Variants in RGS7 observed in about 807,000 individuals in gnomAD.
RGS7 encodes the protein regulator of G protein signaling 7.
In RGS7, 27 loss-of-function variants were observed where a neutral mutation model predicts 81.1. The ratio of observed to expected loss-of-function variants is 0.33; its 90% CI spans 0.25 to 0.46. RGS7 has a LOEUF of 0.46. Among genes scored for constraint, RGS7 ranks in the 20% least tolerant of loss-of-function variants. RGS7 has a pLI of 1.00. For synonymous variants in RGS7, 208 were observed against 207.7 expected (o/e 1.00, Z -0.01); for missense variants, 396 against 607.4 (o/e 0.65, Z 3.66).
intron 6 of RGS7, among the ~76,000 whole-genome samples, chr1:240,882,163 C>T (rs1026966124): frequency 1.2e-4 from 19 of 152,158 alleles, no homozygotes; most frequent in Admixed American, 1.1e-3. Context: ...GATCCACCCG[C>T]CTTGGCCTCC....
chr1:241,242,182 A>G (rs1197122972), intron 2 of RGS7, among the ~76,000 whole-genome samples: 1 of 151,828 alleles, frequency 6.6e-6, no homozygotes, highest in East Asian at 1.9e-4. Context: ...GCTCCCACTT[A>G]TAAGTAAGAA....
chr1:241,070,404 T>C (rs148436298), intron 3 of RGS7, among the ~76,000 whole-genome samples: 38 of 152,280 alleles, frequency 2.5e-4, no homozygotes, highest in African/African-American at 9.1e-4. Context: ...CTTTTCACTT[T>C]CGTAAGGTGG....
rs1033792524 is a variant in RGS7 at position 241,020,657 on chromosome 1, A to G, written c.176-37528T>C. 2.6e-5 allele frequency among the ~76,000 whole-genome samples: 4 copies of G among 152,200 alleles called. No homozygotes were observed. In the East Asian group the frequency reaches 7.7e-4, roughly 29 times the overall value. On this transcript the variant is annotated intron_variant, in intron 3 of 18. Coordinates refer to ENST00000440928, the MANE Select transcript of RGS7 (RefSeq NM_001364886.1). ...TGAGGGAAAGACCATTCAATCTTCT[A>G]TAATGTATTAGTTAAGTCAGCTGTT...
intron 3 of RGS7, among the ~76,000 whole-genome samples, chr1:241,010,317 T>C (rs1313098048): frequency 6.6e-6 from 1 of 152,222 alleles, no homozygotes; most frequent in Non-Finnish European, 1.5e-5. Flanking sequence ...TGGATGCTTG[T>C]GGTAGAGCCA....
chr1:241,283,145 C>CTG, intron 2 of RGS7, among the ~76,000 whole-genome samples: 1 of 152,278 alleles, frequency 6.6e-6, no homozygotes, highest in South Asian at 2.1e-4. Flanking sequence ...TCAGACAGTG[C>CTG]TGTAGTTTTT....
intron 3 of RGS7, among the ~76,000 whole-genome samples, chr1:241,090,756 G>GA (rs1488512174): frequency 3.3e-5 from 5 of 152,162 alleles, no homozygotes; most frequent in Non-Finnish European, 7.4e-5. Context: ...TTTTACAGGT[G>GA]AAAAAACTAT....
intron 3 of RGS7, among the ~76,000 whole-genome samples, chr1:241,002,204 T>C (rs1191828007): frequency 6.6e-6 from 1 of 151,998 alleles, no homozygotes; most frequent in Non-Finnish European, 1.5e-5. Flanking sequence ...CCCAGCACTT[T>C]GGGAGGCCGA....
At chr1:241,179,822 T>C (rs1262468297) in intron 2 of RGS7, among the ~76,000 whole-genome samples, 1 of 151,822 alleles carries the variant, frequency 6.6e-6, no homozygotes, top group Non-Finnish European at 1.5e-5. Flanking sequence ...GTTTTAGTGA[T>C]AGGGTACTTG....
chr1:241,281,795 A>G (rs901164258), intron 2 of RGS7, among the ~76,000 whole-genome samples: 1 of 152,212 alleles, frequency 6.6e-6, no homozygotes, highest in Non-Finnish European at 1.5e-5. Context: ...ATATGCTTTA[A>G]TCAACTATTT....
rs1682882149 is a variant in RGS7 at position 240,776,097 on chromosome 1, C to T, written c.*123G>A. Reference sequence around the variant, plus strand: ...TGTTCTAATGTCCTCTGCTCCAGGTCACAACATTGAGCTACAAAGTGTGTG... The same window carrying T: ...TGTTCTAATGTCCTCTGCTCCAGGTTACAACATTGAGCTACAAAGTGTGTG... On this transcript the variant is annotated 3_prime_UTR_variant, in exon 19 of 19. Transcript: ENST00000440928. 8.2e-7 allele frequency: 1 copy of T among 1,214,450 alleles called. No homozygotes were observed. The highest frequency in any genetic ancestry group is 2.3e-5 in the East Asian group (1 of 42,992). The allele number at this position is 1,214,450 out of a possible 1,614,324, so 75.2% of individuals were successfully genotyped here.
chr1:241,095,262 A>G (rs143061640), intron 3 of RGS7, among the ~76,000 whole-genome samples: 599 of 152,342 alleles, frequency 3.9e-3, no homozygotes, highest in African/African-American at 0.014. Context: ...AATTTAGTAC[A>G]TCTGGGGGTG....
intron 9 of RGS7, among the ~76,000 whole-genome samples, chr1:240,847,049 A>C (rs1020886085): frequency 4.6e-5 from 7 of 152,182 alleles, no homozygotes; most frequent in African/African-American, 1.7e-4. Context: ...TATTCCGCTA[A>C]ATTTTGGGAT....
chr1:241,139,634 G>C (rs1174431692), intron 2 of RGS7, among the ~76,000 whole-genome samples: 1 of 152,012 alleles, frequency 6.6e-6, no homozygotes, highest in Admixed American at 6.6e-5. Flanking sequence ...AGTGTGAGGG[G>C]GTCTTATTCA....
chr1:241,119,958 T>C (rs998990439), intron 2 of RGS7, among the ~76,000 whole-genome samples: 2 of 152,050 alleles, frequency 1.3e-5, no homozygotes, highest in South Asian at 4.1e-4. Context: ...CACTTTTGTA[T>C]GCAGCGCCTT....
At chr1:240,921,130 T>TAG (rs1333791665) in intron 6 of RGS7, among the ~76,000 whole-genome samples, 1 of 152,116 alleles carries the variant, frequency 6.6e-6, no homozygotes, top group African/African-American at 2.4e-5. Context: ...AACTGATAGT[T>TAG]ACTGTTGTGA....
chr1:241,196,395 C>A (rs899021668), intron 2 of RGS7, among the ~76,000 whole-genome samples: 3 of 150,460 alleles, frequency 2.0e-5, no homozygotes, highest in Non-Finnish European at 3.0e-5. Context: ...TAAAAAAAAA[C>A]CCCATCTGTT....
chr1:240,956,541 C>T (rs1680459820), intron 4 of RGS7, among the ~76,000 whole-genome samples: 1 of 152,074 alleles, frequency 6.6e-6, no homozygotes, highest in Non-Finnish European at 1.5e-5. Flanking sequence ...TCAGTGGGGG[C>T]CACATTTAGT....
At chr1:241,044,054 G>A (rs1019486514) in intron 3 of RGS7, among the ~76,000 whole-genome samples, 2 of 151,164 alleles carry the variant, frequency 1.3e-5, no homozygotes, top group Non-Finnish European at 2.9e-5. Context: ...AGAACATCTT[G>A]CCTCATCTTG....
intron 3 of RGS7, among the ~76,000 whole-genome samples, chr1:241,033,317 C>G (rs553101839): frequency 6.6e-6 from 1 of 152,170 alleles, no homozygotes; most frequent in East Asian, 1.9e-4. Context: ...CCCCACTGCA[C>G]TCCAGCCTGG....
Sources: allele counts gnomAD v4.1 joint callset (sites outside exome capture counted in the v4.1 genomes callset), GRCh38; gene constraint gnomAD v4.1.1; transcripts MANE v1.5; gene names NCBI Gene and HGNC (gene_info 2026-07-23, HGNC 2026-07-21).